The following TNIP3 variants were observed in gnomAD, a reference collection of about 807,000 sequenced individuals.
The protein encoded by TNIP3 is TNFAIP3 interacting protein 3, also known as TNFAIP3-interacting protein 3.
A neutral mutation model predicts 54.1 loss-of-function variants in TNIP3; 34 were observed. The observed-to-expected ratio is 0.63, with a 90% CI of 0.48 to 0.84. TNIP3 has a LOEUF of 0.84. Among genes scored for constraint, TNIP3 ranks in the 40% least tolerant of loss-of-function variants. TNIP3 has a pLI of 0.00. For missense variants in TNIP3, 366 were observed against 387.6 expected (o/e 0.94, Z 0.47); for synonymous variants, 134 against 136.8 (o/e 0.98, Z 0.14).
At chr4:121,180,525 C>T (rs116663720) in intron 3 of TNIP3, among the ~76,000 whole-genome samples, 3,674 of 152,148 alleles carry the variant, frequency 0.024, 170 homozygotes, top group African/African-American at 0.084. Flanking sequence ...TGGATTTATC[C>T]AGATAGAGGT....
chr4:121,206,226 T>C (rs181938056), intron 2 of TNIP3, among the ~76,000 whole-genome samples: 71 of 152,292 alleles, frequency 4.7e-4, no homozygotes, highest in Middle Eastern at 3.4e-3. Context: ...AGATTCTTAC[T>C]TGGGATGTCT....
chr4:121,178,755 A>C (rs1234027487), intron 3 of TNIP3, among the ~76,000 whole-genome samples: 1 of 152,342 alleles, frequency 6.6e-6, no homozygotes, highest in Non-Finnish European at 1.5e-5. Flanking sequence ...ATGTATATTC[A>C]GTGTTACCAT....
intron 4 of TNIP3, among the ~76,000 whole-genome samples, chr4:121,155,708 G>A (rs1271162825): frequency 6.6e-6 from 1 of 152,008 alleles, no homozygotes; most frequent in Non-Finnish European, 1.5e-5. Flanking sequence ...GAAGTAAATT[G>A]GATTCTTAAT....
At chr4:121,140,394 C>A (rs1285013386) in intron 9 of TNIP3, among the ~76,000 whole-genome samples, 1 of 152,034 alleles carries the variant, frequency 6.6e-6, no homozygotes, top group Non-Finnish European at 1.5e-5. Flanking sequence ...GGCTTGGAGT[C>A]CTTTTTCAAA....
chr4:121,142,531 G>T (rs1350353957), intron 8 of TNIP3, among the ~76,000 whole-genome samples, 195 bp downstream of exon 8: 4 of 152,196 alleles, frequency 2.6e-5, no homozygotes, highest in Non-Finnish European at 5.9e-5. Context: ...TAAAGCATAT[G>T]CTTTCTATGA....
At chr4:121,144,699 G>T (rs2148800183) in intron 7 of TNIP3, among the ~76,000 whole-genome samples, 1 of 152,312 alleles carries the variant, frequency 6.6e-6, no homozygotes, top group African/African-American at 2.4e-5. Context: ...ACCGCACCCG[G>T]CCTGTTTTTG....
At chr4:121,197,458 C>T (rs368479369) in intron 2 of TNIP3, among the ~76,000 whole-genome samples, 15 of 144,794 alleles carry the variant, frequency 1.0e-4, no homozygotes, top group Admixed American at 8.6e-4. Context: ...AGCTTGGTGG[C>T]GGAGTAGAGA....
chr4:121,215,005 C>A (rs1726704992), intron 2 of TNIP3, among the ~76,000 whole-genome samples: 1 of 152,082 alleles, frequency 6.6e-6, no homozygotes, highest in Non-Finnish European at 1.5e-5. Flanking sequence ...AAATTATATA[C>A]AATTGAAGGC....
chr4:121,180,611 G>A (rs768132502), intron 3 of TNIP3, among the ~76,000 whole-genome samples: 3 of 152,166 alleles, frequency 2.0e-5, no homozygotes, highest in African/African-American at 4.8e-5. Flanking sequence ...GTAAGAGTGA[G>A]TTCAAACATT....
intron 2 of TNIP3, among the ~76,000 whole-genome samples, chr4:121,194,963 T>C (rs1392613726): frequency 6.6e-6 from 1 of 151,754 alleles, no homozygotes; most frequent in Non-Finnish European, 1.5e-5. Context: ...AGGTCAGGAG[T>C]TCGAGACCAG....
At chr4:121,159,808 T>G (rs970966862) in intron 2 of TNIP3, among the ~76,000 whole-genome samples, 3 of 152,232 alleles carry the variant, frequency 2.0e-5, no homozygotes, top group Non-Finnish European at 2.9e-5. Flanking sequence ...GTTGGGGAAG[T>G]TTGTAGTTTT....
chr4:121,139,256 G>C (rs1194281343), intron 9 of TNIP3, among the ~76,000 whole-genome samples: 1 of 152,202 alleles, frequency 6.6e-6, no homozygotes, highest in Non-Finnish European at 1.5e-5. Context: ...ATATAGTTTA[G>C]TCTACAGAGA....
intron 2 of TNIP3, among the ~76,000 whole-genome samples, chr4:121,193,293 T>C (rs533838790): frequency 1.3e-5 from 2 of 152,192 alleles, no homozygotes; most frequent in Non-Finnish European, 2.9e-5. Context: ...GGATGTGAAA[T>C]TGATGAGCCT....
chr4:121,132,775 G>T, intron 10 of TNIP3, 113 bp from the exon 11 acceptor site: 3 of 848,252 alleles, frequency 3.5e-6, no homozygotes, highest in Non-Finnish European at 5.6e-6. Context: ...AAAAAGTTAT[G>T]TTATATTCAT....
intron 2 of TNIP3, among the ~76,000 whole-genome samples, chr4:121,204,715 G>T (rs951718082): frequency 6.6e-6 from 1 of 152,050 alleles, no homozygotes; most frequent in South Asian, 2.1e-4. Flanking sequence ...ATATAGAATA[G>T]ATTTACCAAC....
At chr4:121,136,406 TC>T (rs1219121957) in intron 10 of TNIP3, among the ~76,000 whole-genome samples, 1 of 152,208 alleles carries the variant, frequency 6.6e-6, no homozygotes, top group African/African-American at 2.4e-5. Context: ...ATCCTATATA[TC>T]AAATAATCTA....
At chr4:121,191,560 A>T (rs1340518570) in intron 2 of TNIP3, among the ~76,000 whole-genome samples, 2 of 152,204 alleles carry the variant, frequency 1.3e-5, no homozygotes, top group Non-Finnish European at 2.9e-5. Context: ...ATGTAACCAC[A>T]TCCTGTGTCA....
chr4:121,154,733 G>A (rs764914474), intron 4 of TNIP3, 54 bp from the exon 5 acceptor site: 69 of 1,497,484 alleles, frequency 4.6e-5, no homozygotes, highest in Non-Finnish European at 6.2e-5. Flanking sequence ...CAAATGAGAT[G>A]ATATTGTAGG....
At chr4:121,154,722 TC>T (rs1560651079) in intron 4 of TNIP3, 43 bp from the exon 5 acceptor site, 1 of 1,538,994 alleles carries the variant, frequency 6.5e-7, no homozygotes, top group East Asian at 2.3e-5. Context: ...TCAGTACAAG[TC>T]AAATGAGATG....
Sources: gnomAD v4.1 joint callset for allele counts (sites outside exome capture counted in the v4.1 genomes callset) on GRCh38, gnomAD v4.1.1 for gene constraint, MANE v1.5 for transcripts, NCBI Gene and HGNC (gene_info 2026-07-23, HGNC 2026-07-21) for gene names.